SPAG16: variants seen among roughly 807,000 people sequenced by gnomAD.
SPAG16 encodes sperm-associated antigen 16 protein.
A neutral mutation model predicts 80.4 loss-of-function variants in SPAG16; 86 were observed. The observed-to-expected ratio is 1.07, with a 90% CI of 0.90 to 1.28. The LOEUF (loss-of-function observed/expected upper bound fraction) is 1.28. SPAG16 is among the 50% of genes most tolerant of loss of function. The probability of loss-of-function intolerance (pLI) is 0.00; values close to 1 mark genes in which losing one functional copy is unlikely to be tolerated. For synonymous variants in SPAG16, 294 were observed against 265.9 expected, an observed-to-expected ratio of 1.11 and a Z score of -1.03; for missense variants, 870 against 765.3, an observed-to-expected ratio of 1.14 and a Z score of -1.61.
In SPAG16 at chr2:214,223,252, CA is replaced by C. The variant is rs1414195976; in HGVS notation, c.1720+73991del. On this transcript the variant is annotated intron_variant, in intron 15 of 15. Coordinates refer to ENST00000331683, the MANE Select transcript of SPAG16 (RefSeq NM_024532.5). ...AGGGTTGAAGCATATAGGTCATTAG[CA>C]AAAAGCTGATGTTGAAATATTCACT... 4.9e-4 allele frequency among the ~76,000 whole-genome samples: 74 copies of C among 152,044 alleles called. No homozygotes were observed. In the Middle Eastern group the frequency reaches 0.01, roughly 21 times the overall value.
intron 7 of SPAG16, among the ~76,000 whole-genome samples, chr2:213,352,158 C>CTTTCTT (rs2065366664): frequency 7.1e-6 from 1 of 141,756 alleles, no homozygotes; most frequent in African/African-American, 2.6e-5. Flanking sequence ...AACCTCTAGT[C>CTTTCTT]TTTTTTTTTT....
chr2:213,382,292 T>A (rs903947868), intron 9 of SPAG16, among the ~76,000 whole-genome samples: 1 of 152,234 alleles, frequency 6.6e-6, no homozygotes, highest in Non-Finnish European at 1.5e-5. Flanking sequence ...TGGTTTATGA[T>A]GAGCAATTCA....
chr2:214,291,105 A>G (rs1693758680), intron 15 of SPAG16, among the ~76,000 whole-genome samples: 1 of 152,040 alleles, frequency 6.6e-6, no homozygotes, highest in Non-Finnish European at 1.5e-5. Flanking sequence ...CTTTGTCATT[A>G]TATAATGGCC....
chr2:213,583,622 A>G (rs907262809), intron 10 of SPAG16, among the ~76,000 whole-genome samples: 6 of 152,156 alleles, frequency 3.9e-5, no homozygotes, highest in Non-Finnish European at 7.4e-5. Context: ...GGGGGTGGTA[A>G]CTGAGTTAGA....
At chr2:213,359,443 C>A (rs1405118405) in intron 7 of SPAG16, among the ~76,000 whole-genome samples, 1 of 152,156 alleles carries the variant, frequency 6.6e-6, no homozygotes, top group Non-Finnish European at 1.5e-5. Flanking sequence ...GTTTGAGCTT[C>A]CCAGCTGCTT....
chr2:213,331,437 T>A (rs565585554), intron 5 of SPAG16, among the ~76,000 whole-genome samples: 2 of 152,226 alleles, frequency 1.3e-5, no homozygotes, highest in African/African-American at 4.8e-5. Context: ...CACCCAGATA[T>A]ATAAAGCAAA....
At chr2:213,743,907 C>G (rs2067695842) in intron 10 of SPAG16, among the ~76,000 whole-genome samples, 1 of 152,112 alleles carries the variant, frequency 6.6e-6, no homozygotes, top group East Asian at 1.9e-4. Flanking sequence ...ATTTTAACTT[C>G]CTTTTTAGAT....
Position 213,752,139 on chromosome 2 carries a change from T to A in SPAG16, c.1071-110346T>A, listed in dbSNP as rs190795118. Among the ~76,000 whole-genome samples, 146 of 152,324 alleles carry A rather than the reference T, an allele frequency of 9.6e-4. 1 individual carries two copies. In the Middle Eastern group the frequency reaches 0.014, roughly 14 times the overall value. On this transcript the variant is annotated intron_variant, in intron 10 of 15. Transcript: ENST00000331683. ...ACTTCATATCTCTGAATAACACACG[T>A]ATTCCAACAATCATGATTTTCTCAT...
At chr2:214,218,261 G>A (rs776895315) in intron 15 of SPAG16, among the ~76,000 whole-genome samples, 4 of 152,112 alleles carry the variant, frequency 2.6e-5, no homozygotes, top group Non-Finnish European at 4.4e-5. Flanking sequence ...GTTGGAAAAG[G>A]GACGGCCTCG....
chr2:213,927,288 T>C (rs1351717708), intron 11 of SPAG16, among the ~76,000 whole-genome samples: 1 of 152,212 alleles, frequency 6.6e-6, no homozygotes, highest in East Asian at 1.9e-4. Context: ...GCACAGTCAG[T>C]CAGTCCATAA....
At chr2:213,889,598 T>TCA (rs1181712158) in intron 11 of SPAG16, among the ~76,000 whole-genome samples, 7 of 149,446 alleles carry the variant, frequency 4.7e-5, no homozygotes, top group African/African-American at 1.2e-4. Context: ...GCCTTGTTGC[T>TCA]CACACACACA....
intron 10 of SPAG16, among the ~76,000 whole-genome samples, chr2:213,686,919 G>A (rs1208125771): frequency 1.3e-4 from 19 of 151,728 alleles, no homozygotes; most frequent in South Asian, 4.2e-4. Context: ...TCCTGACCTC[G>A]TGATCTGCCC....
At chr2:214,221,278 T>C (rs1006695721) in intron 15 of SPAG16, among the ~76,000 whole-genome samples, 9 of 151,800 alleles carry the variant, frequency 5.9e-5, no homozygotes, top group African/African-American at 2.2e-4. Flanking sequence ...CTTTTAAATG[T>C]AGTTTTTTTT....
intron 12 of SPAG16, among the ~76,000 whole-genome samples, chr2:213,952,949 C>G (rs1356047465): frequency 6.6e-6 from 1 of 151,978 alleles, no homozygotes; most frequent in African/African-American, 2.4e-5. Context: ...CTCCTCAGCC[C>G]TTTTGGAATA....
chr2:213,987,171 G>A (rs1024434689), intron 12 of SPAG16, among the ~76,000 whole-genome samples: 2 of 151,974 alleles, frequency 1.3e-5, no homozygotes, highest in African/African-American at 4.8e-5. Context: ...ATTCATACAT[G>A]TATTTGTTCA....
At chr2:214,349,895 C>A (rs1295907855) in intron 15 of SPAG16, among the ~76,000 whole-genome samples, 1 of 152,092 alleles carries the variant, frequency 6.6e-6, no homozygotes, top group Non-Finnish European at 1.5e-5. Flanking sequence ...GTGTCTGCAC[C>A]AATATTTTAC....
chr2:214,377,432 T>G (rs1473575880), intron 15 of SPAG16, among the ~76,000 whole-genome samples: 6 of 152,198 alleles, frequency 3.9e-5, no homozygotes, highest in Non-Finnish European at 8.8e-5. Flanking sequence ...GACAGATGAT[T>G]CATCTTGTAC....
intron 7 of SPAG16, among the ~76,000 whole-genome samples, chr2:213,353,706 G>T (rs1469338307): frequency 1.3e-5 from 2 of 152,084 alleles, no homozygotes; most frequent in East Asian, 3.9e-4. Flanking sequence ...CTCAGGCACA[G>T]AACTCTTTTC....
intron 8 of SPAG16, among the ~76,000 whole-genome samples, chr2:213,367,474 C>T (rs1322932544): frequency 1.3e-5 from 2 of 152,288 alleles, no homozygotes; most frequent in African/African-American, 2.4e-5. Context: ...TTTTAATGAT[C>T]GCCATTCTAA....
Sources: allele counts gnomAD v4.1 joint callset (sites outside exome capture counted in the v4.1 genomes callset), GRCh38; gene constraint gnomAD v4.1.1; transcripts MANE v1.5; gene names NCBI Gene and HGNC (gene_info 2026-07-23, HGNC 2026-07-21).